The following FFAR4 variants were observed in gnomAD, a reference collection of about 807,000 sequenced individuals.
FFAR4 encodes the protein G-protein coupled receptor 120.
In FFAR4, 19 loss-of-function variants were observed where a neutral mutation model predicts 27.0. The ratio of observed to expected loss-of-function variants is 0.70; its 90% CI spans 0.49 to 1.03. The LOEUF is 1.03. Among genes scored for constraint, FFAR4 ranks in the 50% least tolerant of loss-of-function variants. The pLI is 0.00. For synonymous variants in FFAR4, 254 were observed against 215.6 expected, an observed-to-expected ratio of 1.18 and a Z score of -1.56; for missense variants, 476 against 479.0, an observed-to-expected ratio of 0.99 and a Z score of 0.06.
chr10:93,585,513 C>T (rs1204174589), intron 2 of FFAR4, among the ~76,000 whole-genome samples: 4 of 152,204 alleles, frequency 2.6e-5, no homozygotes, highest in African/African-American at 9.7e-5. Flanking sequence ...GATTATTTTA[C>T]AATGTCAATC....
intron 2 of FFAR4, among the ~76,000 whole-genome samples, chr10:93,579,955 C>A (rs2058188765): frequency 6.6e-6 from 1 of 152,206 alleles, no homozygotes; most frequent in Non-Finnish European, 1.5e-5. Context: ...TTTTAAAAAT[C>A]ACAATTTTAA....
chr10:93,568,611 T>C (rs1362891319), intron 1 of FFAR4, among the ~76,000 whole-genome samples: 1 of 152,140 alleles, frequency 6.6e-6, no homozygotes, highest in African/African-American at 2.4e-5. Context: ...GGACACCCCC[T>C]GACTGTGTGA....
rs142225118 is a variant in FFAR4, at chr10:93,583,994, G to T, written c.697-3226G>T. On this transcript the variant is annotated intron_variant, in intron 2 of 2. Coordinates refer to ENST00000371481, the MANE Select transcript of FFAR4 (RefSeq NM_001195755.2). ...CTGCTGTCAGAATCAGCCCTTGTGG[G>T]TCCCCCAGCCTGTGCTTAGGCCTAG... is the stretch of plus-strand genomic sequence containing the variant. Among the ~76,000 whole-genome samples, 1,357 of 152,286 alleles carry T rather than the reference G, an allele frequency of 8.9e-3. 21 individuals carry two copies. The highest frequency in any genetic ancestry group is 0.031 in the African/African-American group (1,280 of 41,560).
rs1273164631 is a variant in FFAR4 at position 93,576,083 on chromosome 10, G to A, written c.568-8G>A. The A allele has an allele frequency of 6.2e-7, 1 of 1,613,350 alleles. No homozygotes were observed. Among genetic ancestry groups the A allele is most frequent in the African/African-American group, 1.3e-5 (1 of 74,880 alleles). ...TTTACATGATGTTCTTTTCCTTTTT[G>A]TAACTAGGAAATTTCGATTTGCACA... On this transcript the variant is annotated splice_region_variant and splice_polypyrimidine_tract_variant and intron_variant, in intron 1 of 2. Coordinates refer to ENST00000371481, the MANE Select transcript of FFAR4 (RefSeq NM_001195755.2).
intron 2 of FFAR4, among the ~76,000 whole-genome samples, chr10:93,577,146 G>A (rs889896419): frequency 6.6e-6 from 1 of 152,218 alleles, no homozygotes; most frequent in Admixed American, 6.5e-5. Flanking sequence ...TAGCCCATTT[G>A]TGAGTAAGTT....
intron 2 of FFAR4, among the ~76,000 whole-genome samples, chr10:93,582,501 A>G (rs1396857520): frequency 2.7e-5 from 4 of 147,698 alleles, no homozygotes; most frequent in Non-Finnish European, 5.9e-5. Context: ...CCGAGATCAC[A>G]CTATTGCACT....
Position 93,576,238 on chromosome 10 carries a change from C to T in FFAR4, c.696+19C>T. 1 of 1,613,366 alleles carries T rather than the reference C, an allele frequency of 6.2e-7. No individual in the cohort carries two copies. The highest frequency in any genetic ancestry group is 8.5e-7 in the Non-Finnish European group (1 of 1,179,432). On this transcript the variant is annotated intron_variant, in intron 2 of 2. Coordinates refer to ENST00000371481, the MANE Select transcript of FFAR4 (RefSeq NM_001195755.2). Reference sequence around the variant, plus strand: ...TTTACAGGTATGTTTTCTGCAAGTGCTGCCACTGAACTTCACCCAGGCTTG... The same window carrying T: ...TTTACAGGTATGTTTTCTGCAAGTGTTGCCACTGAACTTCACCCAGGCTTG...
chr10:93,572,296 G>A (rs2058136274), intron 1 of FFAR4, among the ~76,000 whole-genome samples: 1 of 152,180 alleles, frequency 6.6e-6, no homozygotes, highest in Non-Finnish European at 1.5e-5. Context: ...GAAGATGAGA[G>A]GAAGTAAACC....
intron 1 of FFAR4, among the ~76,000 whole-genome samples, chr10:93,574,126 A>G (rs1405249079): frequency 1.3e-5 from 2 of 152,098 alleles, no homozygotes; most frequent in Non-Finnish European, 2.9e-5. Context: ...GGATGGCCAT[A>G]TACTCATTCA....
At chr10:93,570,091 A>G (rs1313061942) in intron 1 of FFAR4, among the ~76,000 whole-genome samples, 2 of 151,812 alleles carry the variant, frequency 1.3e-5, no homozygotes. Context: ...ATTAAAAAAA[A>G]TGGGACAATC....
intron 2 of FFAR4, among the ~76,000 whole-genome samples, chr10:93,584,847 C>T (rs2058218210): frequency 6.6e-6 from 1 of 152,002 alleles, no homozygotes; most frequent in African/African-American, 2.4e-5. Flanking sequence ...GTTGGGATTA[C>T]AGGTGCCCAC....
At position 93,576,079 on chromosome 10, in the gene FFAR4, T is replaced by G; in HGVS notation, c.568-12T>G. 6.2e-7 allele frequency: 1 copy of G among 1,613,514 alleles called. No individual in the cohort carries two copies. Among genetic ancestry groups the G allele is most frequent in the South Asian group, 1.1e-5 (1 of 91,038 alleles). ...AGCATTTACATGATGTTCTTTTCCTTTTTGTAACTAGGAAATTTCGATTTG... is the reference window on the plus strand; with the variant it reads ...AGCATTTACATGATGTTCTTTTCCTGTTTGTAACTAGGAAATTTCGATTTG... On this transcript the variant is annotated splice_polypyrimidine_tract_variant and intron_variant, in intron 1 of 2. Coordinates refer to ENST00000371481, the MANE Select transcript of FFAR4 (RefSeq NM_001195755.2).
chr10:93,579,474 T>G (rs1248453873), intron 2 of FFAR4, among the ~76,000 whole-genome samples: 2 of 152,110 alleles, frequency 1.3e-5, no homozygotes, highest in African/African-American at 4.8e-5. Context: ...TTCATTTAGT[T>G]TTTACTCAAA....
rs370848679 is a variant in FFAR4 at position 93,587,585 on chromosome 10, T to C, written c.1062T>C (p.Asn354=). The change falls in exon 3 of 3, where the codon AAT becomes AAC. Residue 354 remains asparagine, a synonymous_variant. Coordinates refer to ENST00000371481, the MANE Select transcript of FFAR4 (RefSeq NM_001195755.2). The part of the protein sequence containing the change: ...AILTDTSVKR[N]DLSIISG The stretch of plus-strand genomic sequence containing the variant: ...TAACAGACACATCTGTCAAAAGAAA[T>C]GACTTGTCGATTATTTCTGGCTAAT... 2.5e-6 allele frequency: 4 copies of C among 1,612,808 alleles called. No individual in the cohort carries two copies. Among genetic ancestry groups the C allele is most frequent in the African/African-American group, 2.7e-5 (2 of 74,846 alleles).
chr10:93,571,159 C>T (rs1363585382), intron 1 of FFAR4, among the ~76,000 whole-genome samples: 1 of 152,192 alleles, frequency 6.6e-6, no homozygotes, highest in African/African-American at 2.4e-5. Context: ...ACGTTGACAT[C>T]TCAGCCAGGT....
chr10:93,580,918 A>T (rs374968297), intron 2 of FFAR4, among the ~76,000 whole-genome samples: 20 of 152,100 alleles, frequency 1.3e-4, no homozygotes, highest in African/African-American at 4.6e-4. Context: ...CAAGGGAATA[A>T]CCTCCCAGCG....
intron 1 of FFAR4, among the ~76,000 whole-genome samples, chr10:93,575,295 A>G (rs2058157338): frequency 6.6e-6 from 1 of 152,248 alleles, no homozygotes; most frequent in Admixed American, 6.5e-5. Context: ...ACACACAGAT[A>G]TATGTCTGTT....
Position 93,587,216 on chromosome 10 carries a change from A to G in FFAR4, c.697-4A>G, listed in dbSNP as rs1015083585. The G allele has an allele frequency of 1.8e-5, 29 of 1,608,306 alleles. No individual in the cohort carries two copies. The highest frequency in any genetic ancestry group is 2.5e-5 in the Non-Finnish European group (29 of 1,176,680). On this transcript the variant is annotated splice_region_variant and splice_polypyrimidine_tract_variant and intron_variant, in intron 2 of 2. Transcript: ENST00000371481. Reference sequence around the variant, plus strand: ...GGCTCCAGTCCTGTTTTGGTTTTCCACAGATCACAAAGGCATCAAGGAAGA... The same window carrying G: ...GGCTCCAGTCCTGTTTTGGTTTTCCGCAGATCACAAAGGCATCAAGGAAGA...
intron 1 of FFAR4, among the ~76,000 whole-genome samples, chr10:93,569,992 G>T (rs1032240677): frequency 3.3e-5 from 5 of 151,784 alleles, no homozygotes; most frequent in African/African-American, 1.2e-4. Context: ...CCAGGAGGTG[G>T]AGGTTGCAGT....
Sources: gnomAD v4.1 joint callset for allele counts (sites outside exome capture counted in the v4.1 genomes callset) on GRCh38, gnomAD v4.1.1 for gene constraint, MANE v1.5 for transcripts, NCBI Gene and HGNC (gene_info 2026-07-23, HGNC 2026-07-21) for gene names.